The following POLR2M variants were observed in gnomAD, a reference collection of about 807,000 sequenced individuals.
POLR2M encodes protein GRINL1A.
A neutral mutation model predicts 34.6 loss-of-function variants in POLR2M; 30 were observed. That is an observed-to-expected ratio of 0.87 (90% CI 0.65 to 1.18). The LOEUF is 1.18. Among genes scored for constraint, POLR2M ranks in the 50% most tolerant of loss-of-function variants. POLR2M has a pLI of 0.00. For synonymous variants in POLR2M, 150 were observed against 166.7 expected, an observed-to-expected ratio of 0.90 and a Z score of 0.77; for missense variants, 432 against 448.7, an observed-to-expected ratio of 0.96 and a Z score of 0.34.
At chr15:57,712,748 A>G (rs1265744066) in intron 3 of POLR2M, among the ~76,000 whole-genome samples, 4 of 152,228 alleles carry the variant, frequency 2.6e-5, no homozygotes, top group African/African-American at 9.6e-5. Context: ...TCAATTTTGC[A>G]TAGCACTTTG....
intron 3 of POLR2M, among the ~76,000 whole-genome samples, chr15:57,713,889 T>G (rs2040841096): frequency 8.0e-6 from 1 of 125,128 alleles, no homozygotes; most frequent in African/African-American, 3.0e-5. Context: ...TCACCCAGGC[T>G]GGAGTTCAGT....
rs185521473 is a variant in POLR2M, at chr15:57,715,622, T to A, written c.*943T>A. ...TAAAATTGAATTGTCAGTACTTTACTTTTTTCCCCCCAAATAGGTATATAT... is the reference window on the plus strand; with the variant it reads ...TAAAATTGAATTGTCAGTACTTTACATTTTTCCCCCCAAATAGGTATATAT... On this transcript the variant is annotated 3_prime_UTR_variant, in exon 4 of 4. Coordinates refer to ENST00000299638, the MANE Select transcript of POLR2M (RefSeq NM_015532.5). 1.6e-4 allele frequency: 22 copies of A among 140,258 alleles called. No homozygotes were observed. The highest frequency in any genetic ancestry group is 5.4e-4 in the African/African-American group (22 of 40,716). The allele number at this position is 140,258 out of a possible 1,614,324, so 8.7% of individuals were successfully genotyped here. A position where few individuals can be genotyped will look rare whatever the true frequency, so the allele number is the denominator to read the frequency against.
chr15:57,706,774 C>T lies in POLR2M; in HGVS notation c.-69C>T, dbSNP rs112506769. ...CCGGAGTCACCGCCGTCCGCGGATC[C>T]GGCGCTAGTAGCGGGGCCTGCCGAG... On this transcript the variant is annotated 5_prime_UTR_variant, in exon 1 of 4. Transcript: ENST00000299638. The T allele has an allele frequency of 2.0e-6, 3 of 1,512,280 alleles. No homozygotes were observed. The highest frequency in any genetic ancestry group is 8.9e-7 in the Non-Finnish European group (1 of 1,120,466). The allele number at this position is 1,512,280 out of a possible 1,614,324, so 93.7% of individuals were successfully genotyped here.
chr15:57,712,185 T>C lies in POLR2M; in HGVS notation c.960T>C (p.Tyr320=). 6.2e-7 allele frequency: 1 copy of C among 1,614,130 alleles called. No individual in the cohort carries two copies. Among genetic ancestry groups the C allele is most frequent in the Non-Finnish European group, 8.5e-7 (1 of 1,180,026 alleles). Residue 320 remains tyrosine, a synonymous_variant, in exon 3 of 4, where the codon TAT becomes TAC. Coordinates refer to ENST00000299638, the MANE Select transcript of POLR2M (RefSeq NM_015532.5). ...LALQKQQKQN[Y]EEMQAKLAAQ... ...TTCAGAAACAGCAGAAACAGAATTATGAGGTATTTAGAGTATTTTTTTTCT... is the reference window on the plus strand; with the variant it reads ...TTCAGAAACAGCAGAAACAGAATTACGAGGTATTTAGAGTATTTTTTTTCT...
At chr15:57,709,552 G>A (rs575880266) in intron 2 of POLR2M, among the ~76,000 whole-genome samples, 194 bp downstream of exon 2, 11 of 152,246 alleles carry the variant, frequency 7.2e-5, no homozygotes, top group Admixed American at 2.0e-4. Context: ...TCTTAAATAA[G>A]TCAGGAGAAT....
intron 2 of POLR2M, among the ~76,000 whole-genome samples, chr15:57,710,127 G>A (rs2040652323): frequency 6.6e-6 from 1 of 152,276 alleles, no homozygotes; most frequent in Middle Eastern, 3.4e-3. Flanking sequence ...TACACACTTG[G>A]AAAAGAGTTA....
chr15:57,716,100 ACT>A lies in POLR2M; in HGVS notation c.*1424_*1425del, dbSNP rs1334666544. 1 of 147,996 alleles carries A rather than the reference ACT, an allele frequency of 6.8e-6. No individual in the cohort carries two copies. Among genetic ancestry groups the A allele is most frequent in the African/African-American group, 2.5e-5 (1 of 40,026 alleles). 9.2% of individuals were successfully genotyped at this position (147,996 alleles called of 1,614,324 possible). ...GTAATCCTGCCATCTAGGGAGATAA[ACT>A]CTGTTAACATTTTGATGTTGTGTTT... On this transcript the variant is annotated 3_prime_UTR_variant, in exon 4 of 4. Coordinates refer to ENST00000299638, the MANE Select transcript of POLR2M (RefSeq NM_015532.5).
chr15:57,713,206 A>AAAC (rs1181486871), intron 3 of POLR2M, among the ~76,000 whole-genome samples: 8 of 151,750 alleles, frequency 5.3e-5, no homozygotes, highest in Admixed American at 2.0e-4. Context: ...TCAAAAAAAA[A>AAAC]AACAACAAAA....
intron 3 of POLR2M, among the ~76,000 whole-genome samples, chr15:57,713,699 T>C (rs2040827440): frequency 1.3e-5 from 2 of 152,196 alleles, no homozygotes; most frequent in South Asian, 4.1e-4. Context: ...GTCAGCTTTT[T>C]AGTATTAATT....
chr15:57,709,867 T>G (rs1263723768), intron 2 of POLR2M, among the ~76,000 whole-genome samples: 1 of 152,184 alleles, frequency 6.6e-6, no homozygotes, highest in Non-Finnish European at 1.5e-5. Context: ...CTTTGATTAG[T>G]CTGTGAACTA....
At chr15:57,713,968 C>CCGGGAACACGCCGGGTTCA (rs2040844200) in intron 3 of POLR2M, among the ~76,000 whole-genome samples, 1 of 150,818 alleles carries the variant, frequency 6.6e-6, no homozygotes, top group South Asian at 2.1e-4. Context: ...TCTTGTGAAC[C>CCGGGAACACGCCGGGTTCA]CGGGAACACG....
intron 1 of POLR2M, 41 bp downstream of exon 1, chr15:57,706,996 G>C (rs771300536): frequency 8.4e-6 from 13 of 1,554,796 alleles, no homozygotes; most frequent in South Asian, 1.2e-5. Context: ...GGCTCCTTCA[G>C]CTCGAGCTCC....
At position 57,709,056 on chromosome 15, in the gene POLR2M, G is replaced by C. The variant is rs2040605174; in HGVS notation, c.456G>C (p.Lys152Asn). Reference protein sequence around the residue: ...ETSEVEYTVNKGPASSNRDRV... With the variant: ...ETSEVEYTVNNGPASSNRDRV... The stretch of plus-strand genomic sequence containing the variant: ...CAGAGGTTGAGTACACAGTGAATAA[G>C]GGCCCAGCTTCCAGCAATAGAGACA... The change falls in exon 2 of 4, where the codon AAG becomes AAC. Residue 152 changes from lysine (K) to asparagine (N), a missense_variant. Physicochemically the swap from Lys to Asn is moderately conservative, Grantham distance 94. Transcript: ENST00000299638. 1 of 1,614,004 alleles carries C rather than the reference G, an allele frequency of 6.2e-7. No individual in the cohort carries two copies. The highest frequency in any genetic ancestry group is 8.5e-7 in the Non-Finnish European group (1 of 1,180,018).
At chr15:57,707,100 C>T (rs1427098638) in intron 1 of POLR2M, 145 bp downstream of exon 1, 3 of 1,547,272 alleles carry the variant, frequency 1.9e-6, no homozygotes, top group African/African-American at 2.7e-5. Context: ...GGCGAGTGGA[C>T]GGAGGGCTTG....
chr15:57,708,298 G>A (rs769077117), intron 1 of POLR2M, among the ~76,000 whole-genome samples: 1 of 152,180 alleles, frequency 6.6e-6, no homozygotes, highest in African/African-American at 2.4e-5. Context: ...GTACCCATGC[G>A]AGAAAATGAG....
chr15:57,706,876 G>C lies in POLR2M; in HGVS notation c.34G>C (p.Ala12Pro). The C allele has an allele frequency of 3.1e-6, 5 of 1,591,638 alleles. No homozygotes were observed. The highest frequency in any genetic ancestry group is 4.3e-6 in the Non-Finnish European group (5 of 1,168,720). Residue 12 changes from alanine (A) to proline (P), a missense_variant, in exon 1 of 4, where the codon GCT becomes CCT. Physicochemically the swap from Ala to Pro is conservative, Grantham distance 27. Coordinates refer to ENST00000299638, the MANE Select transcript of POLR2M (RefSeq NM_015532.5). ...CSLPRGFEPQ[A>P]PEDLAQRSLV... ...GCTGCCCCGCGGCTTCGAGCCCCAAGCTCCCGAGGACTTGGCGCAGCGGAG... is the reference window on the plus strand; with the variant it reads ...GCTGCCCCGCGGCTTCGAGCCCCAACCTCCCGAGGACTTGGCGCAGCGGAG...
rs1406047153 is a variant in POLR2M at position 57,715,942 on chromosome 15, A to T, written c.*1263A>T. Reference sequence around the variant, plus strand: ...CCCCCCTCAAGCAAATGTGAAAAGTATACTGACCTAAGATTCTCATTAGTT... The same window carrying T: ...CCCCCCTCAAGCAAATGTGAAAAGTTTACTGACCTAAGATTCTCATTAGTT... On this transcript the variant is annotated 3_prime_UTR_variant, in exon 4 of 4. Transcript: ENST00000299638. 6.6e-6 allele frequency: 1 copy of T among 152,302 alleles called. No homozygotes were observed. The highest frequency in any genetic ancestry group is 1.5e-5 in the Non-Finnish European group (1 of 68,054). The allele number at this position is 152,302 out of a possible 1,614,324, so 9.4% of individuals were successfully genotyped here.
rs1450072754 is a variant in POLR2M at position 57,716,172 on chromosome 15, A to G, written c.*1493A>G. 6.6e-6 allele frequency: 1 copy of G among 152,210 alleles called. No individual in the cohort carries two copies. Among genetic ancestry groups the G allele is most frequent in the Admixed American group, 6.5e-5 (1 of 15,286 alleles). The allele number at this position is 152,210 out of a possible 1,614,324, so 9.4% of individuals were successfully genotyped here. On this transcript the variant is annotated 3_prime_UTR_variant, in exon 4 of 4. Transcript: ENST00000299638. ...TAGTTATGCATTTATATTCTCAAAA[A>G]TGAAATCATAATGTACATTGCTTTG... is the stretch of plus-strand genomic sequence containing the variant.
chr15:57,706,907 T>C lies in POLR2M; in HGVS notation c.65T>C (p.Val22Ala), dbSNP rs1303169211. The C allele has an allele frequency of 6.2e-7, 1 of 1,602,198 alleles. No homozygotes were observed. Among genetic ancestry groups the C allele is most frequent in the Admixed American group, 1.7e-5 (1 of 58,704 alleles). ...GAGGACTTGGCGCAGCGGAGTTTGG[T>C]GGAGCTGCGGGAAATGTTGAAGCGC... ...APEDLAQRSLVELREMLKRQE... is the reference protein window; with the variant it reads ...APEDLAQRSLAELREMLKRQE... The change falls in exon 1 of 4, where the codon GTG becomes GCG. Residue 22 changes from valine (V) to alanine (A), a missense_variant. Coordinates refer to ENST00000299638, the MANE Select transcript of POLR2M (RefSeq NM_015532.5).
Sources: allele counts gnomAD v4.1 joint callset (sites outside exome capture counted in the v4.1 genomes callset), GRCh38; gene constraint gnomAD v4.1.1; transcripts MANE v1.5; gene names NCBI Gene and HGNC (gene_info 2026-07-23, HGNC 2026-07-21).